Variants in FBXL13 observed in about 807,000 individuals in gnomAD.
The protein encoded by FBXL13 is F-box and leucine-rich repeat protein 13.
FBXL13 carries 67 observed loss-of-function variants against 83.6 expected under a neutral mutation model. The observed-to-expected ratio is 0.80, with a 90% CI of 0.66 to 0.98. The LOEUF (loss-of-function observed/expected upper bound fraction) is 0.98. FBXL13 is among the 50% of genes least tolerant of loss of function. The probability of loss-of-function intolerance (pLI) is 0.00; values close to 1 mark genes in which losing one functional copy is unlikely to be tolerated. For synonymous variants in FBXL13, 272 were observed against 299.5 expected (o/e 0.91, Z 0.95); for missense variants, 822 against 866.5 (o/e 0.95, Z 0.64).
At chr7:103,013,178 T>A (rs1791841239) in intron 6 of FBXL13, among the ~76,000 whole-genome samples, 2 of 152,178 alleles carry the variant, frequency 1.3e-5, no homozygotes, top group South Asian at 4.1e-4. Flanking sequence ...AACTACACAA[T>A]AATAGTGGGA....
At chr7:103,011,562 C>T (rs1002327771) in intron 6 of FBXL13, among the ~76,000 whole-genome samples, 6 of 150,592 alleles carry the variant, frequency 4.0e-5, no homozygotes, top group South Asian at 2.1e-4. Context: ...CGCTTGAACC[C>T]GGGAGGCAGA....
intron 11 of FBXL13, among the ~76,000 whole-genome samples, chr7:102,886,343 G>C (rs972385984): frequency 4.6e-5 from 7 of 152,100 alleles, no homozygotes; most frequent in African/African-American, 1.7e-4. Context: ...TGGACCTCTA[G>C]GGAGACCTTT....
At chr7:102,930,459 C>T (rs1311392002) in intron 9 of FBXL13, among the ~76,000 whole-genome samples, 2 of 152,204 alleles carry the variant, frequency 1.3e-5, no homozygotes, top group Non-Finnish European at 2.9e-5. Flanking sequence ...CCTAATGCCT[C>T]ACCTTCTGAC....
chr7:102,816,647 C>A (rs1417080840), intron 19 of FBXL13, among the ~76,000 whole-genome samples: 1 of 152,126 alleles, frequency 6.6e-6, no homozygotes, highest in African/African-American at 2.4e-5. Flanking sequence ...AGGGTGTACA[C>A]GTGCAGGTTT....
intron 6 of FBXL13, among the ~76,000 whole-genome samples, chr7:103,017,661 G>A (rs1435280883): frequency 2.0e-5 from 3 of 152,154 alleles, no homozygotes; most frequent in African/African-American, 7.2e-5. Flanking sequence ...CATGACACGA[G>A]AAATATGTGA....
intron 5 of FBXL13, among the ~76,000 whole-genome samples, chr7:103,026,852 A>C (rs1793975460): frequency 6.6e-6 from 1 of 152,224 alleles, no homozygotes; most frequent in South Asian, 2.1e-4. Flanking sequence ...AATATTAATA[A>C]AATATCTCCT....
At chr7:102,827,390 C>G (rs1270270654) in intron 18 of FBXL13, among the ~76,000 whole-genome samples, 2 of 152,166 alleles carry the variant, frequency 1.3e-5, no homozygotes, top group African/African-American at 4.8e-5. Context: ...TCCTGGCCCA[C>G]AGGTTTGTGA....
intron 8 of FBXL13, chr7:102,944,230 C>T: frequency 1.9e-6 from 3 of 1,608,834 alleles, no homozygotes. Context: ...AGGGCTCACA[C>T]ATTTAGAAGA....
intron 17 of FBXL13, among the ~76,000 whole-genome samples, chr7:102,838,860 G>A (rs1219821708): frequency 1.3e-5 from 2 of 152,204 alleles, no homozygotes; most frequent in Non-Finnish European, 2.9e-5. Flanking sequence ...TTCTCCCCAT[G>A]TGATAGTCTG....
chr7:103,017,630 T>A (rs1421071557), intron 6 of FBXL13, among the ~76,000 whole-genome samples: 1 of 152,152 alleles, frequency 6.6e-6, no homozygotes, highest in Non-Finnish European at 1.5e-5. Flanking sequence ...AGTCCTTAAA[T>A]GATCTGATGG....
intron 18 of FBXL13, among the ~76,000 whole-genome samples, chr7:102,827,552 T>C (rs1373697405): frequency 1.3e-5 from 2 of 152,056 alleles, no homozygotes; most frequent in Non-Finnish European, 2.9e-5. Context: ...ATACTTTAAG[T>C]TTTAGGGTAC....
At chr7:102,911,363 G>A (rs1475413379) in intron 11 of FBXL13, among the ~76,000 whole-genome samples, 1 of 152,194 alleles carries the variant, frequency 6.6e-6, no homozygotes. Flanking sequence ...ACCATGAGGA[G>A]GGTTTAAGCA....
At chr7:102,993,588 A>G (rs1029776465) in intron 6 of FBXL13, among the ~76,000 whole-genome samples, 9 of 152,186 alleles carry the variant, frequency 5.9e-5, no homozygotes, top group African/African-American at 2.2e-4. Flanking sequence ...TTGCTTGCCA[A>G]ACTACACAGA....
chr7:102,959,636 T>C (rs1360793277), intron 8 of FBXL13, among the ~76,000 whole-genome samples: 4 of 152,082 alleles, frequency 2.6e-5, no homozygotes, highest in Non-Finnish European at 5.9e-5. Flanking sequence ...TCAATATGAA[T>C]GTATACATTT....
At chr7:103,037,167 T>C (rs1464870889) in intron 2 of FBXL13, among the ~76,000 whole-genome samples, 2 of 152,248 alleles carry the variant, frequency 1.3e-5, no homozygotes, top group Non-Finnish European at 2.9e-5. Context: ...CTTAATGTTT[T>C]ACTCCTTCCT....
chr7:102,970,943 C>T (rs1323495586), intron 6 of FBXL13, among the ~76,000 whole-genome samples: 4 of 152,088 alleles, frequency 2.6e-5, no homozygotes, highest in Non-Finnish European at 5.9e-5. Context: ...CTAAGAGACA[C>T]ATTACATAAC....
chr7:103,070,460 C>A (rs913303688), intron 1 of FBXL13, among the ~76,000 whole-genome samples: 8 of 152,146 alleles, frequency 5.3e-5, no homozygotes, highest in Admixed American at 1.3e-4. Context: ...AAGTGATCCA[C>A]CCACCTCGGC....
At chr7:102,976,355 G>C in intron 6 of FBXL13, 1 of 598,268 alleles carries the variant, frequency 1.7e-6, no homozygotes, top group South Asian at 2.0e-5. Context: ...TCCAAACCCT[G>C]AGCCCCCCGC....
chr7:102,921,084 G>A (rs1360615557), intron 10 of FBXL13, among the ~76,000 whole-genome samples: 5 of 152,234 alleles, frequency 3.3e-5, no homozygotes, highest in South Asian at 2.1e-4. Context: ...CCCAGGAGGC[G>A]GAGGTTGCAG....
Sources: allele counts gnomAD v4.1 joint callset (sites outside exome capture counted in the v4.1 genomes callset), GRCh38; gene constraint gnomAD v4.1.1; transcripts MANE v1.5; gene names NCBI Gene and HGNC (gene_info 2026-07-23, HGNC 2026-07-21).